PARD3: variants seen among roughly 807,000 people sequenced by gnomAD.
The protein encoded by PARD3 is par-3 family cell polarity regulator.
In PARD3, 75 loss-of-function variants were observed where a neutral mutation model predicts 155.4. The observed-to-expected ratio is 0.48, with a 90% CI of 0.40 to 0.58. The LOEUF (loss-of-function observed/expected upper bound fraction) is 0.58, where lower values mean the gene tolerates loss of function less well. Among genes scored for constraint, PARD3 ranks in the 20% least tolerant of loss-of-function variants. PARD3 has a pLI of 0.00. For missense variants in PARD3, 1,642 were observed against 1,721.7 expected, an observed-to-expected ratio of 0.95 and a Z score of 0.82; for synonymous variants, 576 against 610.5, an observed-to-expected ratio of 0.94 and a Z score of 0.83.
At position 34,495,172 on chromosome 10, in the gene PARD3, C is replaced by CAAA. The variant is rs60469043; in HGVS notation, c.403+21804_403+21806dup. Reference sequence around the variant, plus strand: ...TATCTGTACCCATAAACAAAAAAAGCAAAAAAAAAACAAACAAAAACCCAC... The same window carrying CAAA: ...TATCTGTACCCATAAACAAAAAAAGCAAAAAAAAAAAAACAAACAAAAACCCAC... On this transcript the variant is annotated intron_variant, in intron 3 of 24. Coordinates refer to ENST00000374788, the MANE Select transcript of PARD3 (RefSeq NM_001184785.2). Among the ~76,000 whole-genome samples the CAAA allele has an allele frequency of 6.9e-3, 979 of 142,222 alleles. 12 individuals are homozygous for CAAA. Among genetic ancestry groups the CAAA allele is most frequent in the African/African-American group, 0.024 (926 of 39,234 alleles). The allele number at this position is 142,222 out of a possible 152,430, so 93.3% of individuals were successfully genotyped here.
At chr10:34,529,414 T>G (rs904365249) in intron 2 of PARD3, among the ~76,000 whole-genome samples, 8 of 152,204 alleles carry the variant, frequency 5.3e-5, no homozygotes, top group Admixed American at 3.9e-4. Flanking sequence ...TCAGCAGTAC[T>G]CAACACCACA....
intron 2 of PARD3, among the ~76,000 whole-genome samples, chr10:34,542,399 C>G (rs189081632): frequency 6.6e-6 from 1 of 152,116 alleles, no homozygotes; most frequent in Admixed American, 6.5e-5. Context: ...ATATTATTGA[C>G]CTCTAAACAG....
At chr10:34,376,018 C>T (rs1212302690) in intron 10 of PARD3, among the ~76,000 whole-genome samples, 1 of 152,060 alleles carries the variant, frequency 6.6e-6, no homozygotes, top group Non-Finnish European at 1.5e-5. Context: ...TTTCAGGAAG[C>T]AGAACCCTAA....
At chr10:34,611,725 G>C (rs115362582) in intron 2 of PARD3, among the ~76,000 whole-genome samples, 2 of 151,984 alleles carry the variant, frequency 1.3e-5, no homozygotes, top group Admixed American at 1.3e-4. Flanking sequence ...TAATGAAATG[G>C]GGACGGGAGA....
In PARD3 at chr10:34,336,260, G is replaced by T; in HGVS notation, c.2561-17C>A. 1 of 1,603,842 alleles carries T rather than the reference G, an allele frequency of 6.2e-7. No homozygotes were observed. Among genetic ancestry groups the T allele is most frequent in the Non-Finnish European group, 8.5e-7 (1 of 1,171,646 alleles). On this transcript the variant is annotated splice_polypyrimidine_tract_variant and intron_variant, in intron 17 of 24. Transcript: ENST00000374788. Reference sequence around the variant, plus strand: ...CGTCAGCTACTGTTAAAAGGTAAATGTATAATAGTTAGCCCAGTTAGTTCC... The same window carrying T: ...CGTCAGCTACTGTTAAAAGGTAAATTTATAATAGTTAGCCCAGTTAGTTCC...
intron 20 of PARD3, among the ~76,000 whole-genome samples, chr10:34,287,758 A>G (rs912639484): frequency 6.6e-6 from 1 of 152,182 alleles, no homozygotes; most frequent in Non-Finnish European, 1.5e-5. Flanking sequence ...GACATTTTTT[A>G]AAGAGTAGGT....
intron 1 of PARD3, among the ~76,000 whole-genome samples, chr10:34,793,961 T>C (rs1346547581): frequency 6.6e-6 from 1 of 152,170 alleles, no homozygotes; most frequent in Non-Finnish European, 1.5e-5. Context: ...TGTATTTAAG[T>C]AATACCACAT....
intron 14 of PARD3, 105 bp from the exon 15 acceptor site, chr10:34,348,220 T>C: frequency 1.0e-6 from 1 of 953,328 alleles, no homozygotes; most frequent in Non-Finnish European, 1.5e-6. Flanking sequence ...TCCAACTGGG[T>C]ACCAAATGAA....
At chr10:34,384,348 T>C (rs1842138343) in intron 7 of PARD3, 94 bp from the exon 8 acceptor site, 1 of 1,185,122 alleles carries the variant, frequency 8.4e-7, no homozygotes, top group South Asian at 1.7e-5. Context: ...TTTACAAAGA[T>C]GTCCTTACAA....
At chr10:34,146,911 A>G (rs1948536815) in intron 22 of PARD3, among the ~76,000 whole-genome samples, 1 of 152,198 alleles carries the variant, frequency 6.6e-6, no homozygotes, top group Non-Finnish European at 1.5e-5. Context: ...GCAAATCGAT[A>G]CAAGTAAACT....
At position 34,121,912 on chromosome 10, in the gene PARD3, C is replaced by A. The variant is rs34289616; in HGVS notation, c.3541-2172G>T. 7.6e-3 allele frequency among the ~76,000 whole-genome samples: 1,164 copies of A among 152,316 alleles called. 5 individuals are homozygous for A. The highest frequency in any genetic ancestry group is 0.013 in the Admixed American group (199 of 15,300). On this transcript the variant is annotated intron_variant, in intron 23 of 24. Coordinates refer to ENST00000374788, the MANE Select transcript of PARD3 (RefSeq NM_001184785.2). ...GAGGCCTTCAGCAAGAAAAACACTT[C>A]GCTGAGCGAGTTCTGCTTATGCAAA...
chr10:34,345,251 A>C (rs1837283228), intron 15 of PARD3: 1 of 985,172 alleles, frequency 1.0e-6, no homozygotes, highest in African/African-American at 1.7e-5. Context: ...TTCAACTCTA[A>C]AGGCTCTTCC....
At chr10:34,252,351 T>A (rs1401957473) in intron 22 of PARD3, among the ~76,000 whole-genome samples, 1 of 152,064 alleles carries the variant, frequency 6.6e-6, no homozygotes, top group Non-Finnish European at 1.5e-5. Flanking sequence ...TCCTGTGACG[T>A]CCCAGAATTT....
At chr10:34,251,629 T>C (rs1010007426) in intron 22 of PARD3, among the ~76,000 whole-genome samples, 40 of 152,328 alleles carry the variant, frequency 2.6e-4, no homozygotes, top group African/African-American at 8.9e-4. Flanking sequence ...TGGTGTTGTA[T>C]CAAATCCTCT....
intron 5 of PARD3, among the ~76,000 whole-genome samples, chr10:34,432,335 CAT>C (rs1388521734): frequency 5.8e-5 from 5 of 86,388 alleles, no homozygotes; most frequent in South Asian, 4.3e-4. Flanking sequence ...TACACGTGCA[CAT>C]ACACACACAC....
chr10:34,565,709 G>T (rs1015604456), intron 2 of PARD3, among the ~76,000 whole-genome samples: 1 of 151,966 alleles, frequency 6.6e-6, no homozygotes, highest in South Asian at 2.1e-4. Context: ...TATCTTTATG[G>T]CATTCACTTT....
At chr10:34,557,198 C>T (rs756640081) in intron 2 of PARD3, among the ~76,000 whole-genome samples, 2 of 152,224 alleles carry the variant, frequency 1.3e-5, no homozygotes, top group East Asian at 3.9e-4. Context: ...TGCTCATCTC[C>T]GAGTATGTTG....
chr10:34,162,558 T>C (rs919444798), intron 22 of PARD3, among the ~76,000 whole-genome samples: 2 of 152,184 alleles, frequency 1.3e-5, no homozygotes, highest in Non-Finnish European at 2.9e-5. Context: ...CCTACTATGC[T>C]ATGTGTTATG....
Position 34,730,084 on chromosome 10 carries a change from T to G in PARD3, c.121-33665A>C, listed in dbSNP as rs2094790403. Among the ~76,000 whole-genome samples the G allele has an allele frequency of 3.9e-5, 6 of 152,250 alleles. No individual in the cohort carries two copies. The South Asian group carries it at 1.2e-3, about 32-fold the overall frequency. ...ATGCTCAATAAAATAAAATAATGTC[T>G]CAGGGCTATATCCTCACCTAAAATA... On this transcript the variant is annotated intron_variant, in intron 1 of 24. Transcript: ENST00000374788.
Sources: gnomAD v4.1 joint callset for allele counts (sites outside exome capture counted in the v4.1 genomes callset) on GRCh38, gnomAD v4.1.1 for gene constraint, MANE v1.5 for transcripts, NCBI Gene and HGNC (gene_info 2026-07-23, HGNC 2026-07-21) for gene names.